Variants in SGCD observed in about 807,000 individuals in gnomAD.
SGCD encodes sarcoglycan delta, also known as delta-sarcoglycan.
Under a neutral mutation model 36.6 loss-of-function variants are expected in SGCD, and 18 were observed. The ratio of observed to expected loss-of-function variants is 0.49; its 90% CI spans 0.34 to 0.73. SGCD has a LOEUF of 0.73. SGCD is among the 30% of genes least tolerant of loss of function. The probability of loss-of-function intolerance (pLI) is 0.01; values close to 1 mark genes in which losing one functional copy is unlikely to be tolerated. For missense variants in SGCD, 387 were observed against 346.7 expected (o/e 1.12, Z -0.92); for synonymous variants, 133 against 130.6 (o/e 1.02, Z -0.12).
At chr5:156,247,257 T>C (rs4704997) in intron 3 of SGCD, among the ~76,000 whole-genome samples, 33,551 of 152,130 alleles carry the variant, frequency 0.22, 4,351 homozygotes, top group East Asian at 0.62. Context: ...GCAATTATTC[T>C]TGACCTCTTG....
chr5:156,334,960 G>A (rs953523605), intron 2 of SGCD, among the ~76,000 whole-genome samples: 2 of 152,160 alleles, frequency 1.3e-5, no homozygotes, highest in African/African-American at 4.8e-5. Context: ...GAGTAATGGA[G>A]AGAAAACCCG....
chr5:155,922,310 G>C (rs775975556), intron 1 of SGCD, among the ~76,000 whole-genome samples: 23 of 152,130 alleles, frequency 1.5e-4, no homozygotes, highest in Non-Finnish European at 2.6e-4. Context: ...GAAGTTAAGT[G>C]ACATGGCAGT....
intron 3 of SGCD, among the ~76,000 whole-genome samples, chr5:156,365,146 A>G (rs1347335024): frequency 6.6e-6 from 1 of 152,378 alleles, no homozygotes; most frequent in East Asian, 1.9e-4. Context: ...ATGGTCATCA[A>G]GCACATACAA....
the SGCD span, among the ~76,000 whole-genome samples, chr5:155,847,174 C>T: frequency 6.6e-6 from 1 of 152,158 alleles, no homozygotes; most frequent in Non-Finnish European, 1.5e-5. Flanking sequence ...TCTTCAAGTG[C>T]ATGTGCATGA....
chr5:156,711,350 G>T lies in SGCD; in HGVS notation c.576-46231G>T, dbSNP rs960181687. Among the ~76,000 whole-genome samples the T allele has an allele frequency of 7.2e-5, 11 of 152,334 alleles. No individual in the cohort carries two copies. In the South Asian group the frequency reaches 1.2e-3, roughly 17 times the overall value. Reference sequence around the variant, plus strand: ...GTGTGTCCACATGGCCACCATTGATGTAGCTTCGATGGCTTACTACTAAGT... The same window carrying T: ...GTGTGTCCACATGGCCACCATTGATTTAGCTTCGATGGCTTACTACTAAGT... On this transcript the variant is annotated intron_variant, in intron 7 of 8. Coordinates refer to ENST00000337851, the MANE Select transcript of SGCD (RefSeq NM_000337.6).
At chr5:155,997,124 A>AT (rs1250547046) in intron 1 of SGCD, among the ~76,000 whole-genome samples, 1 of 152,234 alleles carries the variant, frequency 6.6e-6, no homozygotes, top group Non-Finnish European at 1.5e-5. Flanking sequence ...CCTACTAAAT[A>AT]TAATTATTAT....
chr5:156,179,916 A>G (rs1477164631), intron 3 of SGCD, among the ~76,000 whole-genome samples: 1 of 152,124 alleles, frequency 6.6e-6, no homozygotes, highest in Non-Finnish European at 1.5e-5. Context: ...GAGCCACAGC[A>G]CCTGGACCCA....
chr5:155,960,321 C>G (rs187695348), intron 1 of SGCD, among the ~76,000 whole-genome samples: 5 of 152,194 alleles, frequency 3.3e-5, no homozygotes, highest in African/African-American at 1.2e-4. Context: ...AAGGACATGA[C>G]AGAACATTTA....
the SGCD span, among the ~76,000 whole-genome samples, chr5:155,788,931 G>A: frequency 6.6e-6 from 1 of 152,112 alleles, no homozygotes; most frequent in African/African-American, 2.4e-5. Flanking sequence ...AAAATACCTG[G>A]CATGGTCAAG....
Position 156,145,805 on chromosome 5 carries a change from T to C in SGCD, c.-44+21786T>C, listed in dbSNP as rs185267251. On this transcript the variant is annotated intron_variant, in intron 3 of 9. Transcript: ENST00000517913. ...GTTCTCTAAAGAGAATGAAAGACAA[T>C]TGTAAACCACAGAATGAACAACACA... Among the ~76,000 whole-genome samples, 229 of 152,222 alleles carry C rather than the reference T, an allele frequency of 1.5e-3. 1 individual carries two copies. The highest frequency in any genetic ancestry group is 2.4e-3 in the Non-Finnish European group (166 of 68,012).
At chr5:156,561,479 G>A (rs1359199743) in intron 4 of SGCD, among the ~76,000 whole-genome samples, 5 of 152,200 alleles carry the variant, frequency 3.3e-5, no homozygotes, top group Non-Finnish European at 7.4e-5. Flanking sequence ...AGCCCTATAA[G>A]CAACGCAGTG....
intron 7 of SGCD, among the ~76,000 whole-genome samples, chr5:156,727,244 T>C (rs990672226): frequency 2.0e-5 from 3 of 152,152 alleles, no homozygotes; most frequent in African/African-American, 7.2e-5. Context: ...CCCAACAGGA[T>C]TCTTGCAGAG....
the SGCD span, among the ~76,000 whole-genome samples, chr5:155,738,963 AAGAG>A: frequency 1.3e-5 from 2 of 151,890 alleles, no homozygotes; most frequent in Non-Finnish European, 2.9e-5. Flanking sequence ...GAGAGAGAGA[AAGAG>A]AGAAAAAATA....
At position 156,539,948 on chromosome 5, in the gene SGCD, A is replaced by G. The variant is rs1157262159; in HGVS notation, c.294+31246A>G. Among the ~76,000 whole-genome samples, 6 of 152,294 alleles carry G rather than the reference A, an allele frequency of 3.9e-5. No homozygotes were observed. The East Asian group carries it at 1.2e-3, about 29-fold the overall frequency. ...CATTTTACTCAGTTATAATATGTGA[A>G]TACGAGTTCATGGAGTCAAAAACCT... is the stretch of plus-strand genomic sequence containing the variant. On this transcript the variant is annotated intron_variant, in intron 4 of 8. Coordinates refer to ENST00000337851, the MANE Select transcript of SGCD (RefSeq NM_000337.6).
chr5:156,727,326 G>A (rs463728), intron 7 of SGCD, among the ~76,000 whole-genome samples: 126,624 of 152,166 alleles, frequency 0.83, 53,022 homozygotes, highest in East Asian at 0.91. Flanking sequence ...GGGTAGCAGG[G>A]GGAGTTATTT....
chr5:155,889,028 A>C (rs1000126324), intron 1 of SGCD, among the ~76,000 whole-genome samples: 1 of 152,050 alleles, frequency 6.6e-6, no homozygotes, highest in African/African-American at 2.4e-5. Context: ...CGCTCATAAC[A>C]CTGTATTTAT....
intron 4 of SGCD, among the ~76,000 whole-genome samples, chr5:156,517,037 G>GAC (rs1233411495): frequency 6.6e-6 from 1 of 152,062 alleles, no homozygotes; most frequent in Non-Finnish European, 1.5e-5. Flanking sequence ...GGTAATAACG[G>GAC]ACTTCTTTGA....
intron 3 of SGCD, among the ~76,000 whole-genome samples, chr5:156,260,095 A>T (rs1366441381): frequency 1.3e-5 from 2 of 152,086 alleles, no homozygotes; most frequent in Non-Finnish European, 2.9e-5. Context: ...GGTTACCTGT[A>T]CTCTCCATGT....
chr5:156,122,287 C>T (rs541952647), intron 2 of SGCD, among the ~76,000 whole-genome samples: 175 of 152,206 alleles, frequency 1.1e-3, no homozygotes, highest in Non-Finnish European at 1.9e-3. Flanking sequence ...CAGCAGAATA[C>T]CCGAGATAGA....
Sources: gnomAD v4.1 joint callset for allele counts (sites outside exome capture counted in the v4.1 genomes callset) on GRCh38, gnomAD v4.1.1 for gene constraint, MANE v1.5 for transcripts, NCBI Gene and HGNC (gene_info 2026-07-23, HGNC 2026-07-21) for gene names.